Variants in FAM107B observed in about 807,000 individuals in gnomAD.
FAM107B encodes protein FAM107B.
FAM107B carries 21 observed loss-of-function variants against 31.5 expected under a neutral mutation model. The ratio of observed to expected loss-of-function variants is 0.67; its 90% CI spans 0.47 to 0.96. FAM107B has a LOEUF of 0.96. Among genes scored for constraint, FAM107B ranks in the 40% least tolerant of loss-of-function variants. FAM107B has a pLI of 0.00. For missense variants in FAM107B, 452 were observed against 377.1 expected (o/e 1.20, Z -1.64); for synonymous variants, 157 against 141.5 (o/e 1.11, Z -0.78).
intron 1 of FAM107B, among the ~76,000 whole-genome samples, chr10:14,724,426 AT>A (rs1190030790): frequency 2.0e-5 from 3 of 152,214 alleles, no homozygotes; most frequent in Non-Finnish European, 4.4e-5. Flanking sequence ...TAAAGGGTTT[AT>A]TTCTAAAATC....
chr10:14,670,510 T>G (rs1854514475), intron 1 of FAM107B, among the ~76,000 whole-genome samples: 1 of 152,208 alleles, frequency 6.6e-6, no homozygotes, highest in Non-Finnish European at 1.5e-5. Flanking sequence ...CATGAGGAAT[T>G]ATTTTATAAT....
At chr10:14,713,408 T>C (rs1319736102) in intron 1 of FAM107B, among the ~76,000 whole-genome samples, 1 of 152,182 alleles carries the variant, frequency 6.6e-6, no homozygotes, top group Non-Finnish European at 1.5e-5. Context: ...GGGAATGTCA[T>C]CAAGACATGG....
chr10:14,588,051 T>G (rs1294849037), intron 2 of FAM107B, among the ~76,000 whole-genome samples: 6 of 152,156 alleles, frequency 3.9e-5, no homozygotes, highest in Non-Finnish European at 8.8e-5. Context: ...TTACTTCCAT[T>G]TTAAAATCCA....
intron 1 of FAM107B, among the ~76,000 whole-genome samples, chr10:14,686,008 C>T (rs7898824): frequency 0.68 from 103,692 of 151,878 alleles, 35,552 homozygotes; most frequent in Middle Eastern, 0.8. Flanking sequence ...TTCACTACCA[C>T]GAGAACCATC....
chr10:14,605,169 T>C (rs574997036), intron 2 of FAM107B, among the ~76,000 whole-genome samples: 1 of 152,324 alleles, frequency 6.6e-6, no homozygotes, highest in African/African-American at 2.4e-5. Context: ...GACCTGGAGA[T>C]TCACCCATTT....
intron 2 of FAM107B, chr10:14,653,729 A>G (rs1029387277): frequency 6.6e-6 from 1 of 152,236 alleles, no homozygotes; most frequent in African/African-American, 2.4e-5. Flanking sequence ...AGCCTCTTAT[A>G]CACAGTAAAA....
intron 1 of FAM107B, among the ~76,000 whole-genome samples, chr10:14,763,575 C>T (rs952953969): frequency 1.6e-4 from 25 of 152,276 alleles, no homozygotes; most frequent in Middle Eastern, 3.4e-3. Flanking sequence ...GCAAGTCTTA[C>T]GCAGCCAGGT....
intron 1 of FAM107B, among the ~76,000 whole-genome samples, chr10:14,675,691 A>T (rs12255295): frequency 0.034 from 5,174 of 152,272 alleles, 285 homozygotes; most frequent in African/African-American, 0.12. Context: ...AAAACATCTT[A>T]CAGTGGATAG....
intron 2 of FAM107B, among the ~76,000 whole-genome samples, chr10:14,608,195 G>A (rs2099831667): frequency 6.6e-6 from 1 of 152,164 alleles, no homozygotes; most frequent in Admixed American, 6.5e-5. Flanking sequence ...CCCTCAAGGA[G>A]GGAAATTTGT....
chr10:14,723,894 G>A, intron 1 of FAM107B: 1 of 753,422 alleles, frequency 1.3e-6, no homozygotes, highest in Middle Eastern at 2.7e-4. Flanking sequence ...GCTTCTCCCA[G>A]GTCCTCTTCA....
intron 2 of FAM107B, among the ~76,000 whole-genome samples, chr10:14,555,040 A>G (rs1439618907): frequency 1.3e-5 from 2 of 152,244 alleles, no homozygotes; most frequent in African/African-American, 4.8e-5. Context: ...AGTACACAAC[A>G]CTGCCTGCTC....
At chr10:14,725,821 CTT>C (rs759788163) in intron 1 of FAM107B, among the ~76,000 whole-genome samples, 5 of 94,294 alleles carry the variant, frequency 5.3e-5, no homozygotes, top group African/African-American at 8.5e-5. Flanking sequence ...CAGTCAAATC[CTT>C]TTTTTTTTTT....
At chr10:14,657,826 T>C (rs1261318321) in intron 2 of FAM107B, among the ~76,000 whole-genome samples, 2 of 151,908 alleles carry the variant, frequency 1.3e-5, no homozygotes, top group Admixed American at 6.6e-5. Flanking sequence ...TTTTCCTTTT[T>C]TTTGAGGCTG....
At chr10:14,651,118 T>C (rs1853886726) in intron 2 of FAM107B, among the ~76,000 whole-genome samples, 1 of 152,198 alleles carries the variant, frequency 6.6e-6, no homozygotes. Context: ...GGTCTACTTC[T>C]GGGGGAACCA....
intron 2 of FAM107B, among the ~76,000 whole-genome samples, chr10:14,586,140 T>C (rs1041781668): frequency 2.0e-5 from 3 of 152,192 alleles, no homozygotes; most frequent in African/African-American, 7.2e-5. Flanking sequence ...GGTGACCTCC[T>C]GACCCGAATT....
chr10:14,618,504 G>A (rs1196417297), intron 2 of FAM107B, among the ~76,000 whole-genome samples: 2 of 152,118 alleles, frequency 1.3e-5, no homozygotes, highest in Non-Finnish European at 2.9e-5. Flanking sequence ...AGATGTTGAG[G>A]CCTAATCTCC....
At chr10:14,535,026 A>G (rs1444604635) in intron 2 of FAM107B, among the ~76,000 whole-genome samples, 2 of 152,230 alleles carry the variant, frequency 1.3e-5, no homozygotes, top group Non-Finnish European at 2.9e-5. Context: ...GGAATCCAGG[A>G]GCCTGAGAGT....
chr10:14,559,435 T>C lies in FAM107B; in HGVS notation c.470-28920A>G, dbSNP rs1436432858. On this transcript the variant is annotated intron_variant, in intron 2 of 4. Transcript: ENST00000181796. ...AGAGCTTCCATTCTAATGGAAACCA[T>C]ACCAGGGAGATTTAAATCCCCCGGT... Among the ~76,000 whole-genome samples, 13 of 145,838 alleles carry C rather than the reference T, an allele frequency of 8.9e-5. No individual in the cohort carries two copies. The South Asian group carries it at 2.6e-3, about 29-fold the overall frequency.
chr10:14,687,929 G>T (rs1387015446), intron 1 of FAM107B, among the ~76,000 whole-genome samples: 1 of 152,160 alleles, frequency 6.6e-6, no homozygotes, highest in East Asian at 1.9e-4. Context: ...AACTTGATTG[G>T]ATTGAAGGAT....
Sources: gnomAD v4.1 joint callset for allele counts (sites outside exome capture counted in the v4.1 genomes callset) on GRCh38, gnomAD v4.1.1 for gene constraint, MANE v1.5 for transcripts, NCBI Gene and HGNC (gene_info 2026-07-23, HGNC 2026-07-21) for gene names.